SLC28A3: variants seen among roughly 807,000 people sequenced by gnomAD.
The protein encoded by SLC28A3 is solute carrier family 28 member 3, also known as concentrative Na(+)-nucleoside cotransporter 3.
A neutral mutation model predicts 84.2 loss-of-function variants in SLC28A3; 68 were observed. The ratio of observed to expected loss-of-function variants is 0.81; its 90% CI spans 0.66 to 0.99. The LOEUF is 0.99. Ranked by LOEUF, SLC28A3 falls within the 50% of genes least tolerant of loss-of-function variation. The pLI is 0.00. For synonymous variants in SLC28A3, 267 were observed against 303.6 expected (o/e 0.88, Z 1.25); for missense variants, 712 against 841.5 (o/e 0.85, Z 1.90).
At chr9:84,346,826 GT>G in the SLC28A3 span, among the ~76,000 whole-genome samples, 3 of 152,092 alleles carry the variant, frequency 2.0e-5, no homozygotes, top group Admixed American at 6.6e-5. Flanking sequence ...TGCCACATAG[GT>G]AATACCTGTC....
chr9:84,301,653 A>G (rs372333649), intron 5 of SLC28A3, among the ~76,000 whole-genome samples: 1 of 152,228 alleles, frequency 6.6e-6, no homozygotes, highest in Non-Finnish European at 1.5e-5. Flanking sequence ...AGCTCTTTAC[A>G]GACACATAAT....
intron 11 of SLC28A3, 156 bp downstream of exon 11, chr9:84,289,998 T>C: frequency 1.2e-6 from 1 of 866,140 alleles, no homozygotes; most frequent in Non-Finnish European, 1.7e-6. Context: ...GGGATCCCTA[T>C]GTTCAAATGC....
intron 1 of SLC28A3, among the ~76,000 whole-genome samples, chr9:84,334,811 C>T (rs543934836): frequency 6.6e-6 from 1 of 152,180 alleles, no homozygotes; most frequent in South Asian, 2.1e-4. Context: ...ACCCTAGCGT[C>T]ACCAGTAACC....
At chr9:84,367,061 C>T in the SLC28A3 span, among the ~76,000 whole-genome samples, 4 of 152,032 alleles carry the variant, frequency 2.6e-5, no homozygotes, top group African/African-American at 9.7e-5. Context: ...AGTCTACCTG[C>T]ACTGTGGCTG....
At chr9:84,287,039 A>C (rs1241277996) in intron 12 of SLC28A3, among the ~76,000 whole-genome samples, 2 of 152,072 alleles carry the variant, frequency 1.3e-5, no homozygotes, top group Non-Finnish European at 2.9e-5. Flanking sequence ...TACTGTCGCT[A>C]CAAAAAGTAC....
chr9:84,302,233 C>T lies in SLC28A3; in HGVS notation c.491G>A (p.Arg164Lys), dbSNP rs1021292925. 6.2e-7 allele frequency: 1 copy of T among 1,614,144 alleles called. No individual in the cohort carries two copies. The highest frequency in any genetic ancestry group is 1.7e-5 in the Admixed American group (1 of 60,018). Residue 164 changes from arginine (R) to lysine (K), a missense_variant, in exon 5 of 18, where the codon AGG (arginine) becomes AAG (lysine). By Grantham distance (26) the Arg-to-Lys change is conservative. Transcript: ENST00000376238. ...RIDEMLSPGR[R>K]LLNSHWFWLK... is the part of the protein sequence containing the mutation. ...CCAGAACCAATGGCTGTTTAGAAGC[C>T]TTCTGCCAGGAGACAGCATCTCATC...
At chr9:84,280,544 G>C (rs1253353418) in intron 15 of SLC28A3, among the ~76,000 whole-genome samples, 1 of 152,130 alleles carries the variant, frequency 6.6e-6, no homozygotes. Flanking sequence ...ATTGGCATTG[G>C]CATGTAAGGT....
chr9:84,327,925 C>CAAAAA (rs60624658), intron 1 of SLC28A3, among the ~76,000 whole-genome samples: 17 of 107,322 alleles, frequency 1.6e-4, no homozygotes, highest in Admixed American at 4.4e-4. Context: ...GACTCCATTT[C>CAAAAA]AAAAAAAAAA....
intron 1 of SLC28A3, among the ~76,000 whole-genome samples, chr9:84,325,903 T>A (rs1267418298): frequency 2.6e-5 from 4 of 152,200 alleles, no homozygotes; most frequent in Non-Finnish European, 5.9e-5. Context: ...TTTTATTTTT[T>A]AAATGTCCTT....
chr9:84,291,588 G>A (rs1825225045), intron 10 of SLC28A3, among the ~76,000 whole-genome samples: 1 of 152,180 alleles, frequency 6.6e-6, no homozygotes, highest in Non-Finnish European at 1.5e-5. Flanking sequence ...TGCCCGCCTT[G>A]GCCTCCCAAG....
At chr9:84,310,720 C>T (rs1346473075) in intron 2 of SLC28A3, 1 of 496,804 alleles carries the variant, frequency 2.0e-6, no homozygotes, top group Non-Finnish European at 2.6e-6. Flanking sequence ...CTGGGCTGGA[C>T]CCTAGGAACA....
Position 84,278,059 on chromosome 9 carries a change from G to T in SLC28A3, c.*159C>A. The T allele has an allele frequency of 1.0e-6, 1 of 953,680 alleles. No individual in the cohort carries two copies. Among genetic ancestry groups the T allele is most frequent in the Non-Finnish European group, 1.5e-6 (1 of 670,412 alleles). 59.1% of individuals were successfully genotyped at this position (953,680 alleles called of 1,614,324 possible). A position where few individuals can be genotyped will look rare whatever the true frequency, so the allele number is the denominator to read the frequency against. On this transcript the variant is annotated 3_prime_UTR_variant, in exon 18 of 18. Transcript: ENST00000376238. Reference sequence around the variant, plus strand: ...GGGAGGGGAGGAGGAAAATGTTGTAGCTTTGAAGGTCCACTCTTGTTTTTC... The same window carrying T: ...GGGAGGGGAGGAGGAAAATGTTGTATCTTTGAAGGTCCACTCTTGTTTTTC...
intron 10 of SLC28A3, 183 bp downstream of exon 10, chr9:84,292,485 C>G (rs1421673843): frequency 5.6e-6 from 3 of 531,142 alleles, no homozygotes; most frequent in African/African-American, 2.0e-5. Flanking sequence ...GTCTCTCTCT[C>G]TCTCTCTCTC....
upstream of SLC28A3, among the ~76,000 whole-genome samples, chr9:84,343,408 G>A (rs943028072): frequency 6.6e-6 from 1 of 152,142 alleles, no homozygotes; most frequent in Admixed American, 6.6e-5. Flanking sequence ...AGCTCAGACT[G>A]TGGGAGTTAT....
the SLC28A3 span, among the ~76,000 whole-genome samples, chr9:84,347,758 A>G: frequency 2.6e-5 from 4 of 152,218 alleles, no homozygotes; most frequent in Non-Finnish European, 5.9e-5. Flanking sequence ...ACTGAAAGCT[A>G]TAGAAGGGCA....
the SLC28A3 span, among the ~76,000 whole-genome samples, chr9:84,358,630 T>G: frequency 6.6e-6 from 1 of 152,294 alleles, no homozygotes; most frequent in East Asian, 1.9e-4. Context: ...TCTATGAAAT[T>G]CTTGAAAGCA....
chr9:84,291,475 T>A (rs1825220081), intron 10 of SLC28A3, among the ~76,000 whole-genome samples: 1 of 152,196 alleles, frequency 6.6e-6, no homozygotes, highest in South Asian at 2.1e-4. Context: ...TAGCTGGGAT[T>A]CCAGGCATAC....
At chr9:84,327,604 T>A (rs981899428) in intron 1 of SLC28A3, among the ~76,000 whole-genome samples, 1 of 152,168 alleles carries the variant, frequency 6.6e-6, no homozygotes, top group Non-Finnish European at 1.5e-5. Context: ...CTGCCATTAT[T>A]TGATCTATTT....
intron 1 of SLC28A3, among the ~76,000 whole-genome samples, chr9:84,340,337 G>T (rs943263229): frequency 6.6e-6 from 1 of 152,176 alleles, no homozygotes; most frequent in African/African-American, 2.4e-5. Context: ...GGCAAGAGAA[G>T]AAGGCTGTCT....
Sources: allele counts gnomAD v4.1 joint callset (sites outside exome capture counted in the v4.1 genomes callset), GRCh38; gene constraint gnomAD v4.1.1; transcripts MANE v1.5; gene names NCBI Gene and HGNC (gene_info 2026-07-23, HGNC 2026-07-21).